The following DDC variants were observed in gnomAD, a reference collection of about 807,000 sequenced individuals.
DDC encodes the protein aromatic-L-amino-acid decarboxylase.
Under a neutral mutation model 60.0 loss-of-function variants are expected in DDC, and 43 were observed. The ratio of observed to expected loss-of-function variants is 0.72; its 90% CI spans 0.56 to 0.92. DDC has a LOEUF of 0.92. Among genes scored for constraint, DDC ranks in the 40% least tolerant of loss-of-function variants. The pLI is 0.00. For synonymous variants in DDC, 232 were observed against 234.6 expected (o/e 0.99, Z 0.10); for missense variants, 573 against 620.2 (o/e 0.92, Z 0.81).
chr7:50,548,715 A>G (rs1038436139), intron 1 of DDC, among the ~76,000 whole-genome samples: 38 of 152,264 alleles, frequency 2.5e-4, no homozygotes, highest in African/African-American at 9.2e-4. Flanking sequence ...GCAGCAAGTT[A>G]TCCAGAAGAT....
At chr7:50,525,167 C>T (rs958595007) in intron 6 of DDC, among the ~76,000 whole-genome samples, 1 of 151,976 alleles carries the variant, frequency 6.6e-6, no homozygotes, top group African/African-American at 2.4e-5. Context: ...TCAGTGATTG[C>T]CAAGGGTTGA....
intron 9 of DDC, among the ~76,000 whole-genome samples, chr7:50,489,768 G>A (rs1266881514): frequency 2.6e-5 from 4 of 152,056 alleles, no homozygotes; most frequent in African/African-American, 7.2e-5. Context: ...AATATCAAAG[G>A]TACACTGATG....
chr7:50,538,658 G>A (rs1484083885), intron 3 of DDC, among the ~76,000 whole-genome samples: 1 of 152,224 alleles, frequency 6.6e-6, no homozygotes, highest in Admixed American at 6.5e-5. Context: ...CTCTGCTAGG[G>A]ATGAGGTATC....
intron 6 of DDC, among the ~76,000 whole-genome samples, chr7:50,518,029 G>A (rs1359992419): frequency 6.6e-6 from 1 of 151,768 alleles, no homozygotes. Context: ...CGAACATGGT[G>A]AAACCCCATC....
chr7:50,503,331 G>C (rs2043304035), intron 7 of DDC, among the ~76,000 whole-genome samples: 1 of 152,230 alleles, frequency 6.6e-6, no homozygotes, highest in Admixed American at 6.5e-5. Flanking sequence ...AAGACCTGCT[G>C]AGTTCCCAGA....
chr7:50,528,237 T>C lies in DDC; in HGVS notation c.614A>G (p.Lys205Arg), dbSNP rs1411043735. ...GCCATCTGAGGGGATGGCTTTTAAT[T>C]TCACTCCACCAATTAACCCAGCTCT... ...VERAGLIGGV[K>R]LKAIPSDGNF... Residue 205 changes from lysine to arginine, a missense_variant, in exon 6 of 15, where the codon AAA (lysine) becomes AGA (arginine). Coordinates refer to ENST00000444124, the MANE Select transcript of DDC (RefSeq NM_001082971.2). The C allele has an allele frequency of 1.9e-6, 3 of 1,614,006 alleles. No homozygotes were observed. The highest frequency in any genetic ancestry group is 2.5e-6 in the Non-Finnish European group (3 of 1,180,026).
chr7:50,521,017 A>G (rs552003016), intron 6 of DDC, among the ~76,000 whole-genome samples: 2 of 152,156 alleles, frequency 1.3e-5, no homozygotes, highest in Admixed American at 1.3e-4. Flanking sequence ...GAAATAGGAA[A>G]TAAAGAAAAA....
At chr7:50,547,748 G>T (rs73123283) in intron 1 of DDC, among the ~76,000 whole-genome samples, 13,621 of 152,148 alleles carry the variant, frequency 0.09, 964 homozygotes, top group South Asian at 0.15. Flanking sequence ...GCATGTATTA[G>T]CTATTATAAC....
rs539223534 is a variant in DDC at position 50,460,636 on chromosome 7, A to T, written c.*19-1793T>A. Among the ~76,000 whole-genome samples the T allele has an allele frequency of 4.2e-4, 64 of 151,752 alleles. 2 individuals carry two copies. Among genetic ancestry groups the T allele is most frequent in the African/African-American group, 1.5e-3 (62 of 40,992 alleles). ...GGGAAAGGCGGGGAAAGGATTGAGA[A>T]ATCGGATGGTTGCCATGTCTGTGTA... On this transcript the variant is annotated intron_variant, in intron 14 of 14. Coordinates refer to ENST00000444124, the MANE Select transcript of DDC (RefSeq NM_001082971.2).
Position 50,506,674 on chromosome 7 carries a change from G to A in DDC, c.715-2615C>T, listed in dbSNP as rs2043407320. On this transcript the variant is annotated intron_variant, in intron 6 of 14. Transcript: ENST00000444124. ...ATACAGATAGTTAAACCATGTATGT[G>A]GGGCACAGAGACCTGGGCTGGAGGC... Among the ~76,000 whole-genome samples the A allele has an allele frequency of 3.3e-5, 5 of 152,212 alleles. No homozygotes were observed. In the South Asian group the frequency reaches 1.0e-3, roughly 32 times the overall value.
chr7:50,478,758 G>T (rs2042703862), intron 10 of DDC, among the ~76,000 whole-genome samples: 1 of 152,196 alleles, frequency 6.6e-6, no homozygotes, highest in African/African-American at 2.4e-5. Flanking sequence ...AAAACTTCAT[G>T]AGGTACATGT....
chr7:50,492,914 A>G (rs1424125693), intron 9 of DDC: 3 of 1,596,662 alleles, frequency 1.9e-6, no homozygotes, highest in South Asian at 1.1e-5. Flanking sequence ...TGCGGCAGGC[A>G]CTCCACGTCC....
chr7:50,559,850 G>T (rs1043944991), intron 1 of DDC, among the ~76,000 whole-genome samples: 3 of 152,206 alleles, frequency 2.0e-5, no homozygotes, highest in Admixed American at 6.5e-5. Flanking sequence ...ACATCTTGAA[G>T]AGCAGAAAAC....
intron 6 of DDC, among the ~76,000 whole-genome samples, chr7:50,518,784 T>A (rs2043809374): frequency 6.6e-6 from 1 of 152,164 alleles, no homozygotes; most frequent in African/African-American, 2.4e-5. Context: ...ACTATAAAAA[T>A]TCTAGAAGAT....
rs751920698 is a variant in DDC at position 50,529,369 on chromosome 7, AAT to A, written c.436-29_436-28del. The A allele has an allele frequency of 8.1e-6, 13 of 1,613,820 alleles. No homozygotes were observed. The South Asian group carries it at 1.4e-4, about 18-fold the overall frequency. On this transcript the variant is annotated intron_variant, in intron 4 of 14. Coordinates refer to ENST00000444124, the MANE Select transcript of DDC (RefSeq NM_001082971.2). ...TAAATTCAAGAGAAGGTCCAAATGA[AAT>A]CCCAAACATAGCGAAGGCATTGGTA...
At position 50,540,023 on chromosome 7, in the gene DDC, C is replaced by T. The variant is rs61731774; in HGVS notation, c.207G>A (p.Thr69=). 8.4e-5 allele frequency: 135 copies of T among 1,612,200 alleles called. No individual in the cohort carries two copies. In the African/African-American group the frequency reaches 1.4e-3, roughly 17 times the overall value. Residue 69 remains threonine (T), a synonymous_variant, in exon 3 of 15, where the codon ACG becomes ACA. Transcript: ENST00000444124. ...DVEKIIMPGV[T]HWHSPYFFAY... is the part of the protein sequence containing the mutation. ...CGAAGAAGTAGGGGCTGTGCCAGTG[C>T]GTCACCTGCATGGGAGGACAGAGCA...
At chr7:50,556,372 G>A (rs2045187446) in intron 1 of DDC, among the ~76,000 whole-genome samples, 1 of 152,076 alleles carries the variant, frequency 6.6e-6, no homozygotes, top group Non-Finnish European at 1.5e-5. Flanking sequence ...GGTCTCTCTA[G>A]GGTCTCTTTT....
chr7:50,561,820 G>A (rs1209253907), intron 1 of DDC, among the ~76,000 whole-genome samples: 5 of 152,128 alleles, frequency 3.3e-5, no homozygotes, highest in South Asian at 2.1e-4. Context: ...CTCAGATGAC[G>A]AGCAGCCTGC....
intron 6 of DDC, among the ~76,000 whole-genome samples, chr7:50,517,455 C>T (rs891271907): frequency 1.3e-5 from 2 of 152,076 alleles, no homozygotes; most frequent in African/African-American, 4.8e-5. Flanking sequence ...TACAGCAAAC[C>T]CACAGCCAAC....
Sources: allele counts gnomAD v4.1 joint callset (sites outside exome capture counted in the v4.1 genomes callset), GRCh38; gene constraint gnomAD v4.1.1; transcripts MANE v1.5; gene names NCBI Gene and HGNC (gene_info 2026-07-23, HGNC 2026-07-21).